GPC6: variants seen among roughly 807,000 people sequenced by gnomAD.
GPC6 encodes glypican-6.
Under a neutral mutation model 55.2 loss-of-function variants are expected in GPC6, and 14 were observed. The ratio of observed to expected loss-of-function variants is 0.25; its 90% CI spans 0.17 to 0.40. The LOEUF (loss-of-function observed/expected upper bound fraction) is 0.40, where lower values mean the gene tolerates loss of function less well. Ranked by LOEUF, GPC6 falls within the 10% of genes least tolerant of loss-of-function variation. The pLI is 1.00. For synonymous variants in GPC6, 278 were observed against 259.6 expected (o/e 1.07, Z -0.68); for missense variants, 641 against 708.5 (o/e 0.90, Z 1.08).
chr13:93,878,563 A>T (rs1307866349), intron 3 of GPC6, among the ~76,000 whole-genome samples: 1 of 152,068 alleles, frequency 6.6e-6, no homozygotes, highest in Non-Finnish European at 1.5e-5. Flanking sequence ...TTTTTAGTAG[A>T]GATGGGGTTT....
intron 1 of GPC6, among the ~76,000 whole-genome samples, chr13:93,399,539 G>A (rs539466631): frequency 2.0e-5 from 3 of 152,140 alleles, no homozygotes; most frequent in Non-Finnish European, 4.4e-5. Context: ...TATTTCCTAC[G>A]CATACACGAG....
chr13:94,134,241 G>A (rs942180559), intron 4 of GPC6, among the ~76,000 whole-genome samples: 4 of 152,088 alleles, frequency 2.6e-5, no homozygotes, highest in African/African-American at 9.7e-5. Context: ...TTAATGATTG[G>A]GCATTATCAC....
chr13:93,493,903 T>C (rs1880142408), intron 1 of GPC6, among the ~76,000 whole-genome samples: 1 of 111,554 alleles, frequency 9.0e-6, no homozygotes, highest in African/African-American at 3.3e-5. Context: ...TGTTATAATT[T>C]CTGTTCTTTT....
At chr13:93,763,858 C>T (rs1885030459) in intron 2 of GPC6, among the ~76,000 whole-genome samples, 1 of 152,072 alleles carries the variant, frequency 6.6e-6, no homozygotes, top group South Asian at 2.1e-4. Flanking sequence ...CCATGCTTCA[C>T]CCTGCAAGAC....
chr13:94,091,358 CTG>C (rs962118615), intron 4 of GPC6, among the ~76,000 whole-genome samples: 8 of 151,946 alleles, frequency 5.3e-5, no homozygotes, highest in African/African-American at 1.7e-4. Flanking sequence ...ACAAAGAAAA[CTG>C]AGAGGATTCT....
chr13:93,690,089 C>T (rs1443172190), intron 2 of GPC6, among the ~76,000 whole-genome samples: 3 of 152,046 alleles, frequency 2.0e-5, no homozygotes, highest in African/African-American at 7.2e-5. Context: ...GATGATTGCA[C>T]TTTGAATTAA....
chr13:94,258,140 T>G (rs1891557099), intron 4 of GPC6, among the ~76,000 whole-genome samples: 1 of 152,216 alleles, frequency 6.6e-6, no homozygotes, highest in Non-Finnish European at 1.5e-5. Context: ...CTAGAATTTT[T>G]GTTGACAGTT....
chr13:93,489,413 C>T (rs1169046244), intron 1 of GPC6, among the ~76,000 whole-genome samples: 1 of 151,412 alleles, frequency 6.6e-6, no homozygotes, highest in Non-Finnish European at 1.5e-5. Flanking sequence ...GTGATGCCTC[C>T]AGCTTTGTTC....
At position 93,870,129 on chromosome 13, in the gene GPC6, T is replaced by C. The variant is rs149143803; in HGVS notation, c.711+39584T>C. Among the ~76,000 whole-genome samples, 66 of 151,996 alleles carry C rather than the reference T, an allele frequency of 4.3e-4. No individual in the cohort carries two copies. In the East Asian group the frequency reaches 0.012, roughly 28 times the overall value. On this transcript the variant is annotated intron_variant, in intron 3 of 8. Transcript: ENST00000377047. ...TTCTTAAGGTTTTGGGACACCACTT[T>C]CTTCATTATCTCTTCTTCCTTCTAT...
intron 1 of GPC6, among the ~76,000 whole-genome samples, chr13:93,396,799 A>T (rs547053933): frequency 3.3e-5 from 5 of 152,256 alleles, no homozygotes; most frequent in African/African-American, 7.2e-5. Context: ...TAGAGCACTT[A>T]CAATAGTGCC....
chr13:93,833,107 TAG>T (rs367949345), intron 3 of GPC6, among the ~76,000 whole-genome samples: 10,479 of 107,126 alleles, frequency 0.098, 344 homozygotes, highest in Middle Eastern at 0.19. Flanking sequence ...AGGTAGATGA[TAG>T]AGAGAGAGAG....
intron 6 of GPC6, among the ~76,000 whole-genome samples, chr13:94,325,740 C>G (rs1877081497): frequency 6.6e-6 from 1 of 152,158 alleles, no homozygotes; most frequent in South Asian, 2.1e-4. Context: ...GGATTGAGGT[C>G]AGCTCCTTCC....
intron 3 of GPC6, among the ~76,000 whole-genome samples, chr13:93,847,663 A>G (rs1175416839): frequency 6.6e-6 from 1 of 152,206 alleles, no homozygotes; most frequent in Admixed American, 6.6e-5. Context: ...CAAAATGCTT[A>G]TCTCCATGAG....
intron 2 of GPC6, among the ~76,000 whole-genome samples, chr13:93,664,686 C>T (rs569165659): frequency 3.9e-5 from 6 of 152,168 alleles, no homozygotes; most frequent in South Asian, 2.1e-4. Flanking sequence ...CATGTGATCT[C>T]GGCTCACTGC....
At chr13:93,736,831 T>G (rs1884020579) in intron 2 of GPC6, among the ~76,000 whole-genome samples, 1 of 152,146 alleles carries the variant, frequency 6.6e-6, no homozygotes, top group Non-Finnish European at 1.5e-5. Context: ...AATTATGACA[T>G]TCACAAAATA....
chr13:93,748,856 CATT>C (rs1331942158), intron 2 of GPC6, among the ~76,000 whole-genome samples: 4 of 151,454 alleles, frequency 2.6e-5, no homozygotes, highest in African/African-American at 9.7e-5. Context: ...TATGTTCTTC[CATT>C]ATTGTTACGC....
intron 6 of GPC6, among the ~76,000 whole-genome samples, chr13:94,323,725 C>G (rs1876964996): frequency 1.3e-5 from 2 of 152,092 alleles, no homozygotes; most frequent in South Asian, 4.2e-4. Context: ...TGCACTTGAA[C>G]CCTTTAAACT....
chr13:94,404,857 C>CT lies in GPC6; in HGVS notation c.*1641dup, dbSNP rs1881303940. ...GCCAAAGCCAGGCCTTTCGCTCCCC[C>CT]TGACAGAGAGAAGCAAAATAAACCC... On this transcript the variant is annotated 3_prime_UTR_variant, in exon 9 of 9. Coordinates refer to ENST00000377047, the MANE Select transcript of GPC6 (RefSeq NM_005708.5). The CT allele has an allele frequency of 6.6e-6, 1 of 152,216 alleles. No homozygotes were observed. Among genetic ancestry groups the CT allele is most frequent in the African/African-American group, 2.4e-5 (1 of 41,458 alleles). The allele number at this position is 152,216 out of a possible 1,614,324, so 9.4% of individuals were successfully genotyped here.
chr13:94,076,165 G>C (rs992838371), intron 4 of GPC6, among the ~76,000 whole-genome samples: 8 of 151,406 alleles, frequency 5.3e-5, no homozygotes, highest in South Asian at 4.2e-4. Context: ...CATCCTAGCA[G>C]GTGTGAGGTG....
Sources: allele counts gnomAD v4.1 joint callset (sites outside exome capture counted in the v4.1 genomes callset), GRCh38; gene constraint gnomAD v4.1.1; transcripts MANE v1.5; gene names NCBI Gene and HGNC (gene_info 2026-07-23, HGNC 2026-07-21).